JMJD1C: variants seen among roughly 807,000 people sequenced by gnomAD.
The protein encoded by JMJD1C is jumonji domain-containing protein 1C.
In JMJD1C, 31 loss-of-function variants were observed where a neutral mutation model predicts 245.3. The ratio of observed to expected loss-of-function variants is 0.13; its 90% CI spans 0.09 to 0.17. The LOEUF is 0.17. Among genes scored for constraint, JMJD1C ranks in the 10% least tolerant of loss-of-function variants. The probability of loss-of-function intolerance (pLI) is 1.00; values close to 1 mark genes in which losing one functional copy is unlikely to be tolerated. For missense variants in JMJD1C, 2,691 were observed against 3,000.2 expected (o/e 0.90, Z 2.41); for synonymous variants, 1,057 against 1,017.4 (o/e 1.04, Z -0.74).
chr10:63,472,391 G>A (rs989628993), intron 1 of JMJD1C, among the ~76,000 whole-genome samples: 6 of 151,948 alleles, frequency 3.9e-5, no homozygotes, highest in Non-Finnish European at 5.9e-5. Context: ...GGAGTGCAAC[G>A]GCGTAATCTC....
chr10:63,490,604 C>T (rs563944720), intron 1 of JMJD1C, among the ~76,000 whole-genome samples: 29 of 151,992 alleles, frequency 1.9e-4, no homozygotes, highest in Admixed American at 1.4e-3. Context: ...TTAATAGAGA[C>T]GGGGTTTCAC....
At chr10:63,251,788 C>T (rs955958373) in intron 3 of JMJD1C, among the ~76,000 whole-genome samples, 2 of 152,054 alleles carry the variant, frequency 1.3e-5, no homozygotes, top group Admixed American at 6.5e-5. Context: ...CTGAGGTGGG[C>T]GGATCACAAG....
chr10:63,391,019 T>G (rs1409379090), intron 1 of JMJD1C, among the ~76,000 whole-genome samples: 1 of 152,040 alleles, frequency 6.6e-6, no homozygotes, highest in African/African-American at 2.4e-5. Flanking sequence ...AATAAGGAAA[T>G]AAAGGCATCC....
intron 1 of JMJD1C, among the ~76,000 whole-genome samples, chr10:63,406,684 T>C (rs541232486): frequency 6.7e-4 from 102 of 152,024 alleles, no homozygotes; most frequent in African/African-American, 2.3e-3. Flanking sequence ...TTCTTAGGAA[T>C]AAAATAAAAA....
intron 2 of JMJD1C, among the ~76,000 whole-genome samples, chr10:63,335,046 A>AAC (rs1942573879): frequency 1.3e-5 from 2 of 150,782 alleles, no homozygotes; most frequent in Non-Finnish European, 3.0e-5. Context: ...AAAAAAAAAA[A>AAC]TATTGTTCCT....
chr10:63,171,079 G>A (rs1282007842), intron 24 of JMJD1C, among the ~76,000 whole-genome samples: 4 of 152,100 alleles, frequency 2.6e-5, no homozygotes, highest in African/African-American at 9.7e-5. Context: ...TATAAATACA[G>A]AGAATTACAA....
At chr10:63,370,727 GAC>G (rs1291135557) in intron 2 of JMJD1C, among the ~76,000 whole-genome samples, 3 of 152,080 alleles carry the variant, frequency 2.0e-5, no homozygotes, top group Admixed American at 6.6e-5. Flanking sequence ...GTATATTAAG[GAC>G]AGTTTTTTAA....
chr10:63,405,718 T>G (rs996693828), intron 1 of JMJD1C, among the ~76,000 whole-genome samples: 1 of 152,166 alleles, frequency 6.6e-6, no homozygotes, highest in Non-Finnish European at 1.5e-5. Flanking sequence ...TGTCAATAAT[T>G]CTAATAAGAA....
intron 1 of JMJD1C, among the ~76,000 whole-genome samples, chr10:63,417,966 G>T (rs982367568): frequency 2.6e-5 from 4 of 152,046 alleles, no homozygotes; most frequent in African/African-American, 7.2e-5. Flanking sequence ...CTTTATAGAG[G>T]CTTAAAACTT....
chr10:63,204,711 T>C (rs1589140343), intron 10 of JMJD1C: 5 of 985,304 alleles, frequency 5.1e-6, no homozygotes, highest in East Asian at 2.3e-4. Context: ...TTAATCCCCC[T>C]CTCTGTCTTC....
chr10:63,269,704 A>G (rs2133821998), intron 2 of JMJD1C, among the ~76,000 whole-genome samples: 2 of 152,194 alleles, frequency 1.3e-5, no homozygotes, highest in East Asian at 3.8e-4. Flanking sequence ...AAAACTGGTA[A>G]TATTTATTTT....
chr10:63,418,513 T>C (rs1328551404), intron 1 of JMJD1C, among the ~76,000 whole-genome samples: 1 of 152,232 alleles, frequency 6.6e-6, no homozygotes, highest in East Asian at 1.9e-4. Flanking sequence ...CAATTTTCCT[T>C]TATGGCTCAA....
At chr10:63,515,811 A>G (rs1340442629) in intron 1 of JMJD1C, among the ~76,000 whole-genome samples, 1 of 152,224 alleles carries the variant, frequency 6.6e-6, no homozygotes, top group Non-Finnish European at 1.5e-5. Context: ...ATAGTTTTTA[A>G]GAGTGCTTTG....
intron 1 of JMJD1C, among the ~76,000 whole-genome samples, chr10:63,487,406 T>C (rs1954033707): frequency 6.6e-6 from 1 of 152,190 alleles, no homozygotes; most frequent in South Asian, 2.1e-4. Context: ...ACAATTTTGT[T>C]TGTCACAATC....
At chr10:63,222,364 T>A in intron 3 of JMJD1C, 1 of 1,095,216 alleles carries the variant, frequency 9.1e-7, no homozygotes, top group Non-Finnish European at 1.4e-6. Context: ...ATCATATGTT[T>A]TTCAGTACAG....
intron 2 of JMJD1C, among the ~76,000 whole-genome samples, chr10:63,318,691 T>C (rs990236731): frequency 6.6e-6 from 1 of 152,178 alleles, no homozygotes; most frequent in African/African-American, 2.4e-5. Flanking sequence ...AAAAAAAGTT[T>C]CTTTGGCATA....
intron 1 of JMJD1C, among the ~76,000 whole-genome samples, chr10:63,390,841 T>C (rs1947994727): frequency 6.6e-6 from 1 of 152,022 alleles, no homozygotes; most frequent in Non-Finnish European, 1.5e-5. Context: ...AGATGAAAAA[T>C]ACCTCAACAT....
At chr10:63,187,384 A>G (rs550977911) in intron 18 of JMJD1C, among the ~76,000 whole-genome samples, 3 of 152,210 alleles carry the variant, frequency 2.0e-5, no homozygotes, top group Non-Finnish European at 4.4e-5. Context: ...ATAAGGGTTA[A>G]GCTAATTAGT....
chr10:63,489,104 A>T (rs1312399315), intron 1 of JMJD1C, among the ~76,000 whole-genome samples: 1 of 152,154 alleles, frequency 6.6e-6, no homozygotes. Context: ...AGTCATTTAA[A>T]AAGTAAAAAA....
Sources: allele counts gnomAD v4.1 joint callset (sites outside exome capture counted in the v4.1 genomes callset), GRCh38; gene constraint gnomAD v4.1.1; transcripts MANE v1.5; gene names NCBI Gene and HGNC (gene_info 2026-07-23, HGNC 2026-07-21).